The following CLEC4F variants were observed in gnomAD, a reference collection of about 807,000 sequenced individuals.
CLEC4F encodes C-type lectin domain family 4 member F.
In CLEC4F, 45 loss-of-function variants were observed where a neutral mutation model predicts 53.4. The ratio of observed to expected loss-of-function variants is 0.84; its 90% CI spans 0.66 to 1.08. The LOEUF (loss-of-function observed/expected upper bound fraction) is 1.08. Among genes scored for constraint, CLEC4F ranks in the 50% least tolerant of loss-of-function variants. The probability of loss-of-function intolerance (pLI) is 0.00; values close to 1 mark genes in which losing one functional copy is unlikely to be tolerated. For missense variants in CLEC4F, 753 were observed against 698.2 expected, an observed-to-expected ratio of 1.08 and a Z score of -0.88; for synonymous variants, 245 against 257.5, an observed-to-expected ratio of 0.95 and a Z score of 0.46.
chr2:70,816,130 G>A lies in CLEC4F; in HGVS notation c.1251C>T (p.Ala417=). ...TQMLDSNLQK[A]SAEIQRLRGD... is the part of the protein sequence containing the mutation. ...CTCTTAACCTCTGGATCTCGGCACT[G>A]GCCTTCTGCAGATTGCTGTCTAACA... is the stretch of plus-strand genomic sequence containing the variant. The change falls in exon 4 of 7, where the codon GCC becomes GCT. Residue 417 remains alanine (A), a synonymous_variant. Coordinates refer to ENST00000272367, the MANE Select transcript of CLEC4F (RefSeq NM_173535.3). 1.9e-6 allele frequency: 3 copies of A among 1,614,160 alleles called. No individual in the cohort carries two copies. Among genetic ancestry groups the A allele is most frequent in the Non-Finnish European group, 2.5e-6 (3 of 1,180,022 alleles).
chr2:70,824,732 C>CA (rs1383124892), upstream of CLEC4F, among the ~76,000 whole-genome samples: 2 of 141,982 alleles, frequency 1.4e-5, no homozygotes, highest in East Asian at 2.1e-4. Flanking sequence ...AAAAACAAAA[C>CA]AAAAAAACAA....
In CLEC4F at chr2:70,820,574, G is replaced by A. The variant is rs1677185429; in HGVS notation, c.-51C>T. On this transcript the variant is annotated 5_prime_UTR_variant, in exon 1 of 7. Coordinates refer to ENST00000272367, the MANE Select transcript of CLEC4F (RefSeq NM_173535.3). ...TGCTCCCAGCCACTGGCTCCTGGAA[G>A]GGCCGTCCCGTGGACCAATGGCAGT... 3.2e-6 allele frequency: 5 copies of A among 1,541,336 alleles called. No individual in the cohort carries two copies. Among genetic ancestry groups the A allele is most frequent in the Non-Finnish European group, 4.4e-6 (5 of 1,139,000 alleles).
At chr2:70,812,333 C>T (rs1676614952) in intron 5 of CLEC4F, 114 bp downstream of exon 5, 2 of 1,140,968 alleles carry the variant, frequency 1.8e-6, no homozygotes, top group Admixed American at 4.9e-5. Flanking sequence ...CCCTGCCTGG[C>T]AGAGGAGACA....
chr2:70,822,398 G>A (rs1677248911), upstream of CLEC4F, among the ~76,000 whole-genome samples: 2 of 152,026 alleles, frequency 1.3e-5, no homozygotes, highest in South Asian at 2.1e-4. Context: ...GGGCCAATGT[G>A]TGGCTTTCAA....
intron 5 of CLEC4F, chr2:70,810,704 A>T (rs749888710): frequency 7.6e-5 from 23 of 302,840 alleles, no homozygotes; most frequent in Non-Finnish European, 1.2e-4. Context: ...AAGAAGCTAT[A>T]ATATGGATAC....
intron 4 of CLEC4F, among the ~76,000 whole-genome samples, chr2:70,813,764 A>C (rs780710942): frequency 1.3e-5 from 2 of 150,942 alleles, no homozygotes; most frequent in Non-Finnish European, 3.0e-5. Flanking sequence ...TGCAACCTCT[A>C]CCTCCCGGGT....
In CLEC4F at chr2:70,817,103, T is replaced by C; in HGVS notation, c.278A>G (p.His93Arg). Residue 93 changes from histidine (H) to arginine (R), a missense_variant, in exon 4 of 7, where the codon CAC becomes CGC. By Grantham distance (29) the His-to-Arg change is conservative. Transcript: ENST00000272367. ...TCGCATTTCTGCCTCCCTGCCAAAG[T>C]GGTGATGATCTGGAGGGAGGAAGTG... is the stretch of plus-strand genomic sequence containing the variant. The part of the protein sequence containing the change: ...HLPFEPNNHH[H>R]FGREAEMREL... The C allele has an allele frequency of 6.2e-7, 1 of 1,607,470 alleles. No individual in the cohort carries two copies. Among genetic ancestry groups the C allele is most frequent in the South Asian group, 1.1e-5 (1 of 90,986 alleles).
At chr2:70,817,988 G>A (rs79608576) in intron 3 of CLEC4F, among the ~76,000 whole-genome samples, 2,865 of 152,218 alleles carry the variant, frequency 0.019, 36 homozygotes, top group Non-Finnish European at 0.027. Context: ...AGCATCCTTT[G>A]TTCACCTCAT....
intron 5 of CLEC4F, among the ~76,000 whole-genome samples, chr2:70,810,370 G>A (rs2104624763): frequency 6.6e-6 from 1 of 152,202 alleles, no homozygotes; most frequent in African/African-American, 2.4e-5. Context: ...TGTAATCCCA[G>A]CACTTTGGGA....
In CLEC4F at chr2:70,816,880, C is replaced by T. The variant is rs782310629; in HGVS notation, c.501G>A (p.Gln167=). ...TTCCCTCCAGGGAACTCCTTAACAT[C>T]TGTGTCTGCAAACTCAATGTAGTGG... ...KDATTLSLQT[Q]MLRSSLEGTN... Residue 167 remains glutamine, a synonymous_variant, in exon 4 of 7, where the codon CAG becomes CAA. Transcript: ENST00000272367. The T allele has an allele frequency of 2.5e-5, 41 of 1,614,216 alleles. No homozygotes were observed. In the South Asian group the frequency reaches 4.5e-4, roughly 18 times the overall value.
chr2:70,812,426 C>A, intron 5 of CLEC4F, 21 bp downstream of exon 5: 2 of 1,612,334 alleles, frequency 1.2e-6, no homozygotes, highest in Non-Finnish European at 1.7e-6. Flanking sequence ...ACCAACAACA[C>A]CCCATGCTCG....
intron 1 of CLEC4F, among the ~76,000 whole-genome samples, 178 bp from the exon 2 acceptor site, chr2:70,820,069 C>T (rs1423384984): frequency 6.6e-6 from 1 of 152,196 alleles, no homozygotes; most frequent in Non-Finnish European, 1.5e-5. Flanking sequence ...ACACTTTGGG[C>T]TGTTCACCAG....
At position 70,809,887 on chromosome 2, in the gene CLEC4F, C is replaced by T. The variant is rs782068286; in HGVS notation, c.1540-30G>A. ...AGAGAAAAGGCAGTGTCAGTTTGCC[C>T]CTGTGTGTGGGGAGCCAGTTTTCCA... is the stretch of plus-strand genomic sequence containing the variant. On this transcript the variant is annotated intron_variant, in intron 5 of 6. Transcript: ENST00000272367. 2.0e-6 allele frequency: 3 copies of T among 1,535,156 alleles called. No homozygotes were observed. In the East Asian group the frequency reaches 6.7e-5, roughly 35 times the overall value.
chr2:70,811,145 T>G, intron 5 of CLEC4F: 1 of 692,436 alleles, frequency 1.4e-6, no homozygotes, highest in African/African-American at 1.8e-5. Context: ...TTATGAGCTA[T>G]GCAAAGAAAA....
chr2:70,824,613 C>A (rs1170337832), upstream of CLEC4F, among the ~76,000 whole-genome samples: 1 of 27,872 alleles, frequency 3.6e-5, no homozygotes, highest in African/African-American at 1.2e-4. Flanking sequence ...TAAGGAGATG[C>A]TTAGTTACCA....
intron 5 of CLEC4F, chr2:70,810,772 C>A (rs1236401621): frequency 6.2e-6 from 3 of 482,134 alleles, no homozygotes; most frequent in African/African-American, 6.0e-5. Flanking sequence ...ATTATGTGAT[C>A]AGTACATTTT....
intron 4 of CLEC4F, among the ~76,000 whole-genome samples, chr2:70,815,722 C>G (rs1553395588): frequency 6.6e-6 from 1 of 152,174 alleles, no homozygotes; most frequent in African/African-American, 2.4e-5. Context: ...CTGTGTGGCC[C>G]ACTAGCCCAT....
chr2:70,816,475 G>A lies in CLEC4F; in HGVS notation c.906C>T (p.Thr302=). Residue 302 remains threonine (T), a synonymous_variant, in exon 4 of 7, where the codon ACC becomes ACT. Coordinates refer to ENST00000272367, the MANE Select transcript of CLEC4F (RefSeq NM_173535.3). ...CAAAACTGCTTTTTATAAAGGCCTGGGTCTGGGAGTTTAAAGCATTTGTGT... is the reference window on the plus strand; with the variant it reads ...CAAAACTGCTTTTTATAAAGGCCTGAGTCTGGGAGTTTAAAGCATTTGTGT... ...LQNTNALNSQ[T]QAFIKSSFDN... 1 of 1,614,062 alleles carries A rather than the reference G, an allele frequency of 6.2e-7. No homozygotes were observed. Among genetic ancestry groups the A allele is most frequent in the Non-Finnish European group, 8.5e-7 (1 of 1,180,016 alleles).
chr2:70,817,925 A>C (rs1553396814), intron 3 of CLEC4F, among the ~76,000 whole-genome samples: 1 of 152,220 alleles, frequency 6.6e-6, no homozygotes, highest in Non-Finnish European at 1.5e-5. Flanking sequence ...CAGCCCCTTT[A>C]ATCTGCAAGG....
Sources: allele counts gnomAD v4.1 joint callset (sites outside exome capture counted in the v4.1 genomes callset), GRCh38; gene constraint gnomAD v4.1.1; transcripts MANE v1.5; gene names NCBI Gene and HGNC (gene_info 2026-07-23, HGNC 2026-07-21).